MFSD2B: variants seen among roughly 807,000 people sequenced by gnomAD.
MFSD2B encodes the protein sphingosine-1-phosphate transporter MFSD2B.
In MFSD2B, 56 loss-of-function variants were observed where a neutral mutation model predicts 58.4. The observed-to-expected ratio is 0.96, with a 90% CI of 0.77 to 1.20. The LOEUF (loss-of-function observed/expected upper bound fraction) is 1.20, where lower values mean the gene tolerates loss of function less well. Ranked by LOEUF, MFSD2B falls within the 50% of genes most tolerant of loss-of-function variation. MFSD2B has a pLI of 0.00. For synonymous variants in MFSD2B, 287 were observed against 294.4 expected, an observed-to-expected ratio of 0.97 and a Z score of 0.26; for missense variants, 645 against 667.6, an observed-to-expected ratio of 0.97 and a Z score of 0.37.
chr2:24,024,038 AC>A lies in MFSD2B; in HGVS notation c.1314-54del. On this transcript the variant is annotated intron_variant, in intron 12 of 13. Coordinates refer to ENST00000338315, the MANE Select transcript of MFSD2B (RefSeq NM_001346880.2). This position sits in a 1 kb window ranked among gnomAD's most constrained non-coding sequence, Gnocchi z 4.3. Reference sequence around the variant, plus strand: ...GTGGGGTGAGGTGTCGAGTCCCTCCACCCAGGGTGCCAGGCTCAGCAGGCCC... The same window carrying A: ...GTGGGGTGAGGTGTCGAGTCCCTCCACCAGGGTGCCAGGCTCAGCAGGCCC... The A allele has an allele frequency of 6.4e-7, 1 of 1,570,848 alleles. No homozygotes were observed. The highest frequency in any genetic ancestry group is 8.7e-7 in the Non-Finnish European group (1 of 1,148,312).
In MFSD2B at chr2:24,025,418, T is replaced by C; in HGVS notation, c.1491-14T>C. 6.5e-7 allele frequency: 1 copy of C among 1,535,974 alleles called. No individual in the cohort carries two copies. The highest frequency in any genetic ancestry group is 8.7e-7 in the Non-Finnish European group (1 of 1,146,758). ...ACTTCCATCCTTCTCCTTGGCTTCCTTCCCTTCCCACAGGAGGACCAGCTA... is the reference window on the plus strand; with the variant it reads ...ACTTCCATCCTTCTCCTTGGCTTCCCTCCCTTCCCACAGGAGGACCAGCTA... On this transcript the variant is annotated splice_polypyrimidine_tract_variant and intron_variant, in intron 13 of 13. Transcript: ENST00000338315.
Position 24,012,961 on chromosome 2 carries a change from A to T in MFSD2B, c.97-324A>T. ...GGTCACATAGAGGGGTAGGTGACAA[A>T]GGCAGGCTCAAGCCCAGGTCTCCTG... On this transcript the variant is annotated intron_variant, in intron 1 of 13. Coordinates refer to ENST00000338315, the MANE Select transcript of MFSD2B (RefSeq NM_001346880.2). This position sits in a 1 kb window ranked among gnomAD's most constrained non-coding sequence, Gnocchi z 4.5. 1 of 239,082 alleles carries T rather than the reference A, an allele frequency of 4.2e-6. No homozygotes were observed. Among genetic ancestry groups the T allele is most frequent in the Admixed American group, 5.2e-5 (1 of 19,168 alleles). The allele number at this position is 239,082 out of a possible 1,614,324, so 14.8% of individuals were successfully genotyped here.
rs1709007355 is a variant in MFSD2B, at chr2:24,012,936, G to A, written c.97-349G>A. 5.0e-6 allele frequency: 1 copy of A among 201,402 alleles called. No homozygotes were observed. The highest frequency in any genetic ancestry group is 5.6e-5 in the Admixed American group (1 of 17,726). The allele number at this position is 201,402 out of a possible 1,614,324, so 12.5% of individuals were successfully genotyped here. On this transcript the variant is annotated intron_variant, in intron 1 of 13. Coordinates refer to ENST00000338315, the MANE Select transcript of MFSD2B (RefSeq NM_001346880.2). This position sits in a 1 kb window ranked among gnomAD's most constrained non-coding sequence, Gnocchi z 4.5. ...TAGAGAGATGATGTGATTTATTCAA[G>A]GTCACATAGAGGGGTAGGTGACAAA...
chr2:24,025,316 A>C (rs1482484845), intron 13 of MFSD2B, 116 bp from the exon 14 acceptor site: 1 of 864,268 alleles, frequency 1.2e-6, no homozygotes, highest in Non-Finnish European at 1.9e-6. Context: ...GAGGAGTTGA[A>C]GAGGAGTTGC....
Position 24,023,985 on chromosome 2 carries a change from T to C in MFSD2B, c.1314-110T>C, listed in dbSNP as rs1256520074. 3 of 1,169,664 alleles carry C rather than the reference T, an allele frequency of 2.6e-6. No individual in the cohort carries two copies. Among genetic ancestry groups the C allele is most frequent in the East Asian group, 4.8e-5 (2 of 41,480 alleles). The allele number at this position is 1,169,664 out of a possible 1,614,324, so 72.5% of individuals were successfully genotyped here. On this transcript the variant is annotated intron_variant, in intron 12 of 13. Transcript: ENST00000338315. The surrounding 1 kb of genome is among the most constrained non-coding windows in gnomAD (Gnocchi z 5.0). ...CTCCTCTCCTGATCTGACCAGGAAATGAAGTCCACGTTTCAGGAGGGGGTG... is the reference window on the plus strand; with the variant it reads ...CTCCTCTCCTGATCTGACCAGGAAACGAAGTCCACGTTTCAGGAGGGGGTG...
chr2:24,024,174 C>T lies in MFSD2B; in HGVS notation c.1393C>T (p.Pro465Ser). The change falls in exon 13 of 14, where the codon CCC (proline) becomes TCC (serine). Residue 465 changes from proline (P) to serine (S), a missense_variant. By Grantham distance (74) the Pro-to-Ser change is moderately conservative. Coordinates refer to ENST00000338315, the MANE Select transcript of MFSD2B (RefSeq NM_001346880.2). The surrounding 1 kb of genome is among the most constrained non-coding windows in gnomAD (Gnocchi z 4.3). ...VTLKVLIGAV[P>S]TCMILAGLCI... is the part of the protein sequence containing the mutation. ...CCTCAAAGTCCTCATTGGCGCCGTG[C>T]CCACCTGCATGATCCTTGCTGGGCT... 6.2e-7 allele frequency: 1 copy of T among 1,613,844 alleles called. No individual in the cohort carries two copies. Among genetic ancestry groups the T allele is most frequent in the Middle Eastern group, 1.6e-4 (1 of 6,062 alleles).
chr2:24,023,266 G>C lies in MFSD2B; in HGVS notation c.1169+27G>C. 6.4e-7 allele frequency: 1 copy of C among 1,554,922 alleles called. No homozygotes were observed. The highest frequency in any genetic ancestry group is 8.9e-7 in the Non-Finnish European group (1 of 1,127,538). On this transcript the variant is annotated intron_variant, in intron 11 of 13. Coordinates refer to ENST00000338315, the MANE Select transcript of MFSD2B (RefSeq NM_001346880.2). The surrounding 1 kb of genome is among the most constrained non-coding windows in gnomAD (Gnocchi z 5.0). ...TAGGCTGGGTGTGGGGGCCTCACGT[G>C]TGTCCACAGTGGGTGTCACCTCCTT...
chr2:24,013,527 CAACA>C (rs1709030727), intron 2 of MFSD2B, 117 bp downstream of exon 2: 1 of 1,133,858 alleles, frequency 8.8e-7, no homozygotes, highest in African/African-American at 1.5e-5. Flanking sequence ...GACACGAGCT[CAACA>C]AAAAGCCAGA....
chr2:24,022,196 T>A lies in MFSD2B; in HGVS notation c.894+226T>A, dbSNP rs547791543. ...ATGTCTGGGCGGTTTCCTCTCACATTACCTGAAGTGTAGTCAAGTCCACCT... is the reference window on the plus strand; with the variant it reads ...ATGTCTGGGCGGTTTCCTCTCACATAACCTGAAGTGTAGTCAAGTCCACCT... On this transcript the variant is annotated intron_variant, in intron 8 of 13. Transcript: ENST00000338315. This position sits in a 1 kb window ranked among gnomAD's most constrained non-coding sequence, Gnocchi z 4.5. Among the ~76,000 whole-genome samples the A allele has an allele frequency of 1.3e-5, 2 of 152,244 alleles. No individual in the cohort carries two copies. Among genetic ancestry groups the A allele is most frequent in the African/African-American group, 4.8e-5 (2 of 41,556 alleles).
chr2:24,010,726 G>A (rs1281804724), intron 1 of MFSD2B, among the ~76,000 whole-genome samples: 1 of 152,178 alleles, frequency 6.6e-6, no homozygotes, highest in Non-Finnish European at 1.5e-5. Flanking sequence ...TCCCTTGCCC[G>A]ATGCCGCCGG....
At position 24,017,118 on chromosome 2, in the gene MFSD2B, A is replaced by G. The variant is rs1709177794; in HGVS notation, c.471+150A>G. 2.2e-6 allele frequency: 3 copies of G among 1,353,574 alleles called. No individual in the cohort carries two copies. Among genetic ancestry groups the G allele is most frequent in the Non-Finnish European group, 3.0e-6 (3 of 989,482 alleles). 83.8% of individuals were successfully genotyped at this position (1,353,574 alleles called of 1,614,324 possible). A position where few individuals can be genotyped will look rare whatever the true frequency, so the allele number is the denominator to read the frequency against. ...TTGGCACTCGCCAGCCTTGCGCGGG[A>G]CTGGCTGCCCCCTCCTGCCTTTGGG... On this transcript the variant is annotated intron_variant, in intron 4 of 13. Transcript: ENST00000338315. The surrounding 1 kb of genome is among the most constrained non-coding windows in gnomAD (Gnocchi z 4.8).
intron 1 of MFSD2B, 78 bp from the exon 2 acceptor site, chr2:24,013,207 T>A: frequency 1.4e-6 from 2 of 1,411,772 alleles, no homozygotes; most frequent in South Asian, 1.6e-5. Flanking sequence ...AGACTCAGGA[T>A]GTTTACTGAA....
In MFSD2B at chr2:24,010,161, C is replaced by A; in HGVS notation, c.65C>A (p.Pro22His). The change falls in exon 1 of 14, where the codon CCC (proline) becomes CAC (histidine). Residue 22 changes from proline (P) to histidine (H), a missense_variant. Pro to His is a moderately conservative substitution (Grantham distance 77). Coordinates refer to ENST00000338315, the MANE Select transcript of MFSD2B (RefSeq NM_001346880.2). ...CAGCCGGAGCCGCACGCCCCAGAGCCCGGCCCGGGGAGCGCCAAGCGAGGG... is the reference window on the plus strand; with the variant it reads ...CAGCCGGAGCCGCACGCCCCAGAGCACGGCCCGGGGAGCGCCAAGCGAGGG... ...SPQPEPHAPE[P>H]GPGSAKRGRE... 6.9e-7 allele frequency: 1 copy of A among 1,451,954 alleles called. No individual in the cohort carries two copies. Among genetic ancestry groups the A allele is most frequent in the South Asian group, 1.4e-5 (1 of 73,452 alleles). The allele number at this position is 1,451,954 out of a possible 1,614,324, so 89.9% of individuals were successfully genotyped here.
At chr2:24,018,466 CTT>C (rs1004510697) in intron 6 of MFSD2B, 2 of 182,534 alleles carry the variant, frequency 1.1e-5, no homozygotes, top group African/African-American at 2.4e-5. Context: ...CCAAGATACT[CTT>C]TGTGGGGAAG....
chr2:24,023,643 G>A lies in MFSD2B; in HGVS notation c.1230G>A (p.Leu410=), dbSNP rs1170829159. ...FQLQHRHGPG[L]ETIFYSSYVF... ...TGCAGCACCGTCACGGGCCAGGCCT[G>A]GAGACCATCTTCTACTCCTCCTACG... is the stretch of plus-strand genomic sequence containing the variant. The change falls in exon 12 of 14, where the codon CTG becomes CTA. Residue 410 remains leucine, a synonymous_variant. Coordinates refer to ENST00000338315, the MANE Select transcript of MFSD2B (RefSeq NM_001346880.2). This position sits in a 1 kb window ranked among gnomAD's most constrained non-coding sequence, Gnocchi z 5.0. The A allele has an allele frequency of 1.4e-5, 22 of 1,613,976 alleles. No individual in the cohort carries two copies. Among genetic ancestry groups the A allele is most frequent in the Non-Finnish European group, 1.7e-5 (20 of 1,179,856 alleles).
At chr2:24,013,157 G>A in intron 1 of MFSD2B, 128 bp from the exon 2 acceptor site, 1 of 910,098 alleles carries the variant, frequency 1.1e-6, no homozygotes, top group Non-Finnish European at 1.5e-6. Flanking sequence ...GGGCAAAATG[G>A]GGCTGAGAGG....
Position 24,010,132 on chromosome 2 carries a change from C to T in MFSD2B, c.36C>T (p.Ser12=), listed in dbSNP as rs903554491. The stretch of plus-strand genomic sequence containing the variant: ...CCCCTGCACCAGCCGCCAAGGGGTC[C>T]CCGCAGCCGGAGCCGCACGCCCCAG... ...AAPPAPAAKG[S]PQPEPHAPEP... The change falls in exon 1 of 14, where the codon TCC becomes TCT. Residue 12 remains serine, a synonymous_variant. Transcript: ENST00000338315. 2 of 1,462,740 alleles carry T rather than the reference C, an allele frequency of 1.4e-6. No individual in the cohort carries two copies. Among genetic ancestry groups the T allele is most frequent in the East Asian group, 3.0e-5 (1 of 33,658 alleles). The allele number at this position is 1,462,740 out of a possible 1,614,324, so 90.6% of individuals were successfully genotyped here.
intron 2 of MFSD2B, among the ~76,000 whole-genome samples, chr2:24,015,094 G>A (rs912294743): frequency 1.3e-5 from 2 of 151,588 alleles, no homozygotes; most frequent in African/African-American, 4.9e-5. Flanking sequence ...ATTCCAGCCT[G>A]GGCGACAGAG....
In MFSD2B at chr2:24,016,267, C is replaced by T. The variant is rs779733323; in HGVS notation, c.334C>T (p.Arg112Trp). 8.1e-6 allele frequency: 13 copies of T among 1,613,816 alleles called. No individual in the cohort carries two copies. The South Asian group carries it at 9.9e-5, about 12-fold the overall frequency. Residue 112 changes from arginine (R) to tryptophan (W), a missense_variant, in exon 3 of 14, where the codon CGG becomes TGG. Arg to Trp is a moderately radical substitution (Grantham distance 101). Transcript: ENST00000338315. ...INRSQRTGSG[R>W]LMPWVLGCTP... ...CAGGAGCCAGAGGACAGGGTCTGGA[C>T]GGCTCATGCCTTGGTGAGCAACCGC...
Sources: gnomAD v4.1 joint callset for allele counts (sites outside exome capture counted in the v4.1 genomes callset) on GRCh38, gnomAD v4.1.1 for gene constraint, Gnocchi (gnomAD v3.1) non-coding constraint, MANE v1.5 for transcripts, NCBI Gene and HGNC (gene_info 2026-07-23, HGNC 2026-07-21) for gene names.